NBEA: variants seen among roughly 807,000 people sequenced by gnomAD.
NBEA encodes lysosomal-trafficking regulator 2.
NBEA carries 44 observed loss-of-function variants against 343.4 expected under a neutral mutation model. That is an observed-to-expected ratio of 0.13 (90% CI 0.10 to 0.16). The LOEUF (loss-of-function observed/expected upper bound fraction) is 0.16, where lower values mean the gene tolerates loss of function less well. Among genes scored for constraint, NBEA ranks in the 10% least tolerant of loss-of-function variants. The probability of loss-of-function intolerance (pLI) is 1.00; values close to 1 mark genes in which losing one functional copy is unlikely to be tolerated. For synonymous variants in NBEA, 1,175 were observed against 1,238.7 expected (o/e 0.95, Z 1.08); for missense variants, 2,555 against 3,631.3 (o/e 0.70, Z 7.62).
intron 24 of NBEA, among the ~76,000 whole-genome samples, chr13:35,165,688 T>G (rs893766134): frequency 1.4e-5 from 2 of 144,732 alleles, no homozygotes; most frequent in Non-Finnish European, 3.0e-5. Flanking sequence ...TCTTTTCTTT[T>G]CTTTTTTTTT....
At chr13:35,407,581 C>G (rs1185363877) in intron 38 of NBEA, among the ~76,000 whole-genome samples, 2 of 151,580 alleles carry the variant, frequency 1.3e-5, no homozygotes, top group African/African-American at 4.8e-5. Flanking sequence ...TGAAGATTTC[C>G]TCTTGAATGA....
At chr13:35,358,491 C>A (rs2040621975) in intron 38 of NBEA, among the ~76,000 whole-genome samples, 1 of 151,594 alleles carries the variant, frequency 6.6e-6, no homozygotes, top group Non-Finnish European at 1.5e-5. Context: ...CTGAGGTGGG[C>A]AGATTACTTT....
chr13:35,156,031 T>G (rs1173695905), intron 19 of NBEA, 52 bp from the exon 20 acceptor site: 1 of 1,536,736 alleles, frequency 6.5e-7, no homozygotes, highest in African/African-American at 1.4e-5. Flanking sequence ...ACTTTTTGAG[T>G]TGAACATAGG....
chr13:35,075,939 A>G (rs2064094533), intron 10 of NBEA, among the ~76,000 whole-genome samples: 1 of 151,974 alleles, frequency 6.6e-6, no homozygotes, highest in South Asian at 2.1e-4. Context: ...ATTCAGAAAA[A>G]ATATCTATTA....
intron 48 of NBEA, among the ~76,000 whole-genome samples, chr13:35,608,069 G>A (rs2082354759): frequency 6.6e-6 from 1 of 151,728 alleles, no homozygotes; most frequent in Non-Finnish European, 1.5e-5. Flanking sequence ...TTCTATTTTG[G>A]AGCTGTATGT....
In NBEA at chr13:35,475,313, T is replaced by C. The variant is rs752263014; in HGVS notation, c.6585+2777T>C. ...TTTTCACACTCGTAGGAAACCAGAG[T>C]CTTCATATGGTAATTGTTCAAGGGC... On this transcript the variant is annotated intron_variant, in intron 41 of 58. Transcript: ENST00000379939. 3.1e-6 allele frequency: 5 copies of C among 1,613,356 alleles called. No individual in the cohort carries two copies. The East Asian group carries it at 1.1e-4, about 36-fold the overall frequency.
intron 31 of NBEA, 124 bp from the exon 32 acceptor site, chr13:35,208,576 A>AT (rs1330259041): frequency 3.3e-4 from 268 of 809,196 alleles, no homozygotes; most frequent in Middle Eastern, 6.5e-4. Context: ...GGAGTTTAAA[A>AT]TTTTTTTTTA....
intron 36 of NBEA, among the ~76,000 whole-genome samples, chr13:35,345,020 G>T (rs866156404): frequency 1.3e-5 from 2 of 152,174 alleles, no homozygotes; most frequent in Middle Eastern, 3.4e-3. Flanking sequence ...TGTATAAAAA[G>T]ATAACATGTG....
intron 1 of NBEA, among the ~76,000 whole-genome samples, chr13:34,943,554 A>C (rs2059098053): frequency 6.6e-6 from 1 of 152,182 alleles, no homozygotes; most frequent in Non-Finnish European, 1.5e-5. Context: ...TGCTGCTGAA[A>C]TGTGAGAAGC....
chr13:35,156,744 G>A (rs1426328552), intron 20 of NBEA, among the ~76,000 whole-genome samples: 13 of 152,170 alleles, frequency 8.5e-5, no homozygotes, highest in Admixed American at 8.5e-4. Context: ...CACAGTCTCA[G>A]TACATTCCAG....
At chr13:35,505,286 T>C (rs1360681430) in intron 41 of NBEA, among the ~76,000 whole-genome samples, 1 of 152,136 alleles carries the variant, frequency 6.6e-6, no homozygotes, top group African/African-American at 2.4e-5. Context: ...TATAAATAGC[T>C]AACTATTATT....
chr13:35,341,259 A>G (rs574385633), intron 36 of NBEA, among the ~76,000 whole-genome samples: 5 of 152,180 alleles, frequency 3.3e-5, no homozygotes, highest in African/African-American at 4.8e-5. Flanking sequence ...AATGAATTCA[A>G]AATGCATGAA....
chr13:35,235,136 G>T (rs2075164536), intron 34 of NBEA, among the ~76,000 whole-genome samples: 1 of 152,108 alleles, frequency 6.6e-6, no homozygotes, highest in South Asian at 2.1e-4. Context: ...CATAGTTACG[G>T]ATTCTAAAAG....
rs57585958 is a variant in NBEA at position 35,045,707 on chromosome 13, T to TTTTTGTTTTG, written c.723+333_723+342dup. On this transcript the variant is annotated intron_variant, in intron 4 of 58. Coordinates refer to ENST00000379939, the MANE Select transcript of NBEA (RefSeq NM_001385012.1). ...AATAAAATCATACAGTATACAGTGT[T>TTTTTGTTTTG]TTTTGTTTTGTTTTGTTTTGTTTTG... Among the ~76,000 whole-genome samples the TTTTTGTTTTG allele has an allele frequency of 7.4e-3, 1,124 of 150,874 alleles. 10 individuals are homozygous for TTTTTGTTTTG. The highest frequency in any genetic ancestry group is 8.2e-3 in the Non-Finnish European group (557 of 67,712).
At chr13:35,523,627 TG>T in intron 41 of NBEA, among the ~76,000 whole-genome samples, 1 of 152,296 alleles carries the variant, frequency 6.6e-6, no homozygotes, top group East Asian at 1.9e-4. Context: ...CTGCCTCTCC[TG>T]GGGGTTGTTT....
intron 6 of NBEA, among the ~76,000 whole-genome samples, chr13:35,054,532 C>G (rs1441294111): frequency 6.6e-6 from 1 of 151,348 alleles, no homozygotes; most frequent in Admixed American, 6.6e-5. Flanking sequence ...GCATTTTAGA[C>G]AGTTAAATGT....
intron 39 of NBEA, among the ~76,000 whole-genome samples, chr13:35,447,049 T>C (rs933294462): frequency 2.0e-5 from 3 of 152,116 alleles, no homozygotes; most frequent in Admixed American, 2.0e-4. Flanking sequence ...GAGTTGATTA[T>C]AGGAGGATTT....
chr13:35,318,709 C>T (rs2037922239), intron 36 of NBEA, among the ~76,000 whole-genome samples: 2 of 152,186 alleles, frequency 1.3e-5, no homozygotes, highest in East Asian at 1.9e-4. Context: ...TGGTAGAATT[C>T]GGCTATGAAT....
chr13:35,297,412 G>C (rs1333321150), intron 35 of NBEA, among the ~76,000 whole-genome samples: 1 of 151,960 alleles, frequency 6.6e-6, no homozygotes, highest in African/African-American at 2.4e-5. Context: ...CACATTTCAG[G>C]TTCCATTAGA....
Sources: allele counts gnomAD v4.1 joint callset (sites outside exome capture counted in the v4.1 genomes callset), GRCh38; gene constraint gnomAD v4.1.1; transcripts MANE v1.5; gene names NCBI Gene and HGNC (gene_info 2026-07-23, HGNC 2026-07-21).